Variants in RAD51AP2 observed in about 807,000 individuals in gnomAD.
RAD51AP2 encodes the protein RAD51-associated protein 2.
RAD51AP2 carries 67 observed loss-of-function variants against 85.5 expected under a neutral mutation model. That is an observed-to-expected ratio of 0.78 (90% CI 0.64 to 0.96). RAD51AP2 has a LOEUF of 0.96. Ranked by LOEUF, RAD51AP2 falls within the 40% of genes least tolerant of loss-of-function variation. RAD51AP2 has a pLI of 0.00. For synonymous variants in RAD51AP2, 474 were observed against 446.5 expected (o/e 1.06, Z -0.78); for missense variants, 1,307 against 1,332.4 (o/e 0.98, Z 0.30).
chr2:17,511,028 GA>G lies in RAD51AP2; in HGVS notation c.3329-74del, dbSNP rs1422153875. On this transcript the variant is annotated intron_variant, in intron 2 of 2. Coordinates refer to ENST00000399080, the MANE Select transcript of RAD51AP2 (RefSeq NM_001099218.3). Reference sequence around the variant, plus strand: ...CCTAAAAATCTTTACTTCTAATCATGATATTAGCAACTTTTACTGAATATTT... The same window carrying G: ...CCTAAAAATCTTTACTTCTAATCATGTATTAGCAACTTTTACTGAATATTT... The G allele has an allele frequency of 5.1e-6, 5 of 975,426 alleles. No individual in the cohort carries two copies. In the African/African-American group the frequency reaches 8.4e-5, roughly 16 times the overall value. 60.4% of individuals were successfully genotyped at this position (975,426 alleles called of 1,614,324 possible). A position where few individuals can be genotyped will look rare whatever the true frequency, so the allele number is the denominator to read the frequency against.
At chr2:17,531,798 T>C in the RAD51AP2 span, among the ~76,000 whole-genome samples, 1 of 152,368 alleles carries the variant, frequency 6.6e-6, no homozygotes, top group African/African-American at 2.4e-5. Flanking sequence ...ACTGGCTCAA[T>C]ATCATCTTAG....
At position 17,516,777 on chromosome 2, in the gene RAD51AP2, T is replaced by C. The variant is rs1356447934; in HGVS notation, c.1639A>G (p.Ile547Val). ...ATGTTTCTGGTTATTAGATTTTGAA[T>C]ACCAATTATACCAATTTGCTTTTTA... is the stretch of plus-strand genomic sequence containing the variant. ...KCKKQIGIIG[I>V]QNLITRNMNT... is the part of the protein sequence containing the mutation. Residue 547 changes from isoleucine (I) to valine (V), a missense_variant, in exon 1 of 3, where the codon ATT becomes GTT. Physicochemically the swap from Ile to Val is conservative, Grantham distance 29 (BLOSUM62 3). Around this residue, in one of 3 missense-constraint regions of RAD51AP2, gnomAD observed 635 missense variants for 643.6 expected, o/e 0.99. Transcript: ENST00000399080. 6.4e-7 allele frequency: 1 copy of C among 1,550,550 alleles called. No individual in the cohort carries two copies. The highest frequency in any genetic ancestry group is 1.4e-5 in the African/African-American group (1 of 72,530).
At chr2:17,534,789 A>T in the RAD51AP2 span, among the ~76,000 whole-genome samples, 4 of 152,224 alleles carry the variant, frequency 2.6e-5, no homozygotes, top group Admixed American at 6.5e-5. Context: ...GTCCTTGAAA[A>T]ATCAGTTAAT....
chr2:17,525,940 A>G, the RAD51AP2 span, among the ~76,000 whole-genome samples: 2 of 152,086 alleles, frequency 1.3e-5, no homozygotes, highest in Non-Finnish European at 2.9e-5. Flanking sequence ...AACCACAGTA[A>G]TCATGATTGG....
chr2:17,533,440 T>A, the RAD51AP2 span, among the ~76,000 whole-genome samples: 1 of 152,234 alleles, frequency 6.6e-6, no homozygotes. Context: ...TAATCAAGTA[T>A]CAAATTTTGT....
chr2:17,518,425 T>G lies in RAD51AP2; in HGVS notation c.-10A>C, dbSNP rs765565925. On this transcript the variant is annotated 5_prime_UTR_variant, in exon 1 of 3. Transcript: ENST00000399080. Reference sequence around the variant, plus strand: ...GCTGAGGGAGAGACATGACAGCGAATGGAAAGGATCTGTCCGAGTCCCGGC... The same window carrying G: ...GCTGAGGGAGAGACATGACAGCGAAGGGAAAGGATCTGTCCGAGTCCCGGC... 6.2e-7 allele frequency: 1 copy of G among 1,607,732 alleles called. No homozygotes were observed. The highest frequency in any genetic ancestry group is 8.5e-7 in the Non-Finnish European group (1 of 1,178,008).
Position 17,515,640 on chromosome 2 carries a change from A to G in RAD51AP2, c.2776T>C (p.Tyr926His). The G allele has an allele frequency of 6.2e-7, 1 of 1,612,856 alleles. No individual in the cohort carries two copies. The highest frequency in any genetic ancestry group is 8.5e-7 in the Non-Finnish European group (1 of 1,179,522). ...DFHRKNDSAL[Y>H]INHQFETGLS... ...CCAGTTTCAAATTGATGATTAATAT[A>G]TAATGCAGAGTCATTCTTTCTGTGA... Residue 926 changes from tyrosine to histidine, a missense_variant, in exon 1 of 3, where the codon TAT becomes CAT. Coordinates refer to ENST00000399080, the MANE Select transcript of RAD51AP2 (RefSeq NM_001099218.3).
upstream of RAD51AP2, among the ~76,000 whole-genome samples, chr2:17,520,888 A>G (rs142809027): frequency 1.7e-3 from 262 of 151,926 alleles, no homozygotes; most frequent in Middle Eastern, 3.4e-3. Context: ...AAATGGCCCT[A>G]CTCAAAAGTT....
the RAD51AP2 span, among the ~76,000 whole-genome samples, chr2:17,537,761 T>C: frequency 6.6e-6 from 1 of 152,286 alleles, no homozygotes; most frequent in East Asian, 1.9e-4. Flanking sequence ...CCTGAAAATC[T>C]ACTGTTGGTA....
the RAD51AP2 span, among the ~76,000 whole-genome samples, chr2:17,530,292 A>AT: frequency 6.6e-6 from 1 of 152,202 alleles, no homozygotes; most frequent in Non-Finnish European, 1.5e-5. Flanking sequence ...CATCAGGAAC[A>AT]TTTTATCTTA....
chr2:17,517,504 A>G lies in RAD51AP2; in HGVS notation c.912T>C (p.Asp304=). The G allele has an allele frequency of 2.5e-6, 4 of 1,613,884 alleles. No homozygotes were observed. Among genetic ancestry groups the G allele is most frequent in the Non-Finnish European group, 3.4e-6 (4 of 1,179,928 alleles). The change falls in exon 1 of 3, where the codon GAT becomes GAC. Residue 304 remains aspartate (D), a synonymous_variant. Transcript: ENST00000399080. The part of the protein sequence containing the change: ...TNIYWSQNRP[D]VKKQKLQNDK... ...CATTCTGTAACTTTTGCTTCTTAACATCAGGTCTATTTTGGGACCAGTAAA... is the reference window on the plus strand; with the variant it reads ...CATTCTGTAACTTTTGCTTCTTAACGTCAGGTCTATTTTGGGACCAGTAAA...
upstream of RAD51AP2, among the ~76,000 whole-genome samples, chr2:17,522,547 A>C (rs1662881126): frequency 6.6e-6 from 1 of 152,016 alleles, no homozygotes; most frequent in Non-Finnish European, 1.5e-5. Flanking sequence ...TATTGGAAAA[A>C]CAGGTGGAAT....
upstream of RAD51AP2, among the ~76,000 whole-genome samples, chr2:17,522,366 TCTTA>T (rs1662875920): frequency 1.3e-5 from 2 of 151,836 alleles, no homozygotes; most frequent in Non-Finnish European, 3.0e-5. Flanking sequence ...TAGTGGCAGG[TCTTA>T]CTTAGGAAAG....
the RAD51AP2 span, among the ~76,000 whole-genome samples, chr2:17,534,250 C>G: frequency 3.9e-5 from 6 of 152,156 alleles, no homozygotes; most frequent in South Asian, 1.2e-3. Flanking sequence ...TTTTTATATA[C>G]TCTGGTTTCC....
chr2:17,528,053 C>T, the RAD51AP2 span, among the ~76,000 whole-genome samples: 1 of 152,036 alleles, frequency 6.6e-6, no homozygotes, highest in African/African-American at 2.4e-5. Context: ...CAGATGATAC[C>T]TATAAATTCT....
rs1343936105 is a variant in RAD51AP2 at position 17,510,695 on chromosome 2, CTT to C, written c.*107_*108del. 2 of 539,850 alleles carry C rather than the reference CTT, an allele frequency of 3.7e-6. No homozygotes were observed. The highest frequency in any genetic ancestry group is 4.0e-5 in the African/African-American group (2 of 50,424). 33.4% of individuals were successfully genotyped at this position (539,850 alleles called of 1,614,324 possible). Reference sequence around the variant, plus strand: ...TAATTTATACACTCAAAAAAAAAAACTTCTCCACTTTATAATAAAGCAAGCCC... The same window carrying C: ...TAATTTATACACTCAAAAAAAAAAACCTCCACTTTATAATAAAGCAAGCCC... On this transcript the variant is annotated 3_prime_UTR_variant, in exon 3 of 3. Transcript: ENST00000399080.
upstream of RAD51AP2, among the ~76,000 whole-genome samples, chr2:17,519,083 A>C (rs952911172): frequency 6.6e-6 from 1 of 152,170 alleles, no homozygotes; most frequent in African/African-American, 2.4e-5. Context: ...GATAATTATT[A>C]TTCTTCACTT....
the RAD51AP2 span, among the ~76,000 whole-genome samples, chr2:17,525,652 T>C: frequency 1.3e-5 from 2 of 152,182 alleles, no homozygotes; most frequent in African/African-American, 4.8e-5. Context: ...AAAGTTGCTT[T>C]GCAATTTTTG....
At chr2:17,528,765 C>T in the RAD51AP2 span, among the ~76,000 whole-genome samples, 3 of 152,122 alleles carry the variant, frequency 2.0e-5, no homozygotes, top group East Asian at 1.9e-4. Flanking sequence ...TTGCTTGGGC[C>T]GGGAGAGGTC....
Sources: allele counts gnomAD v4.1 joint callset (sites outside exome capture counted in the v4.1 genomes callset), GRCh38; gene constraint gnomAD v4.1.1; regional missense constraint gnomAD v4.1.1; transcripts MANE v1.5; gene names NCBI Gene and HGNC (gene_info 2026-07-23, HGNC 2026-07-21).